Variants in KPNA4 observed in about 807,000 individuals in gnomAD.
KPNA4 encodes importin subunit alpha-3.
In KPNA4, 13 loss-of-function variants were observed where a neutral mutation model predicts 71.3. The ratio of observed to expected loss-of-function variants is 0.18; its 90% CI spans 0.12 to 0.29. The LOEUF is 0.29. Among genes scored for constraint, KPNA4 ranks in the 10% least tolerant of loss-of-function variants. The pLI is 1.00. For missense variants in KPNA4, 334 were observed against 603.2 expected, an observed-to-expected ratio of 0.55 and a Z score of 4.67; for synonymous variants, 189 against 195.2, an observed-to-expected ratio of 0.97 and a Z score of 0.26.
chr3:160,552,501 A>C (rs536022820), intron 1 of KPNA4, among the ~76,000 whole-genome samples: 9 of 152,362 alleles, frequency 5.9e-5, no homozygotes, highest in Admixed American at 3.9e-4. Context: ...AATGAGACTT[A>C]AGAATATAGT....
intron 13 of KPNA4, among the ~76,000 whole-genome samples, chr3:160,510,495 G>A (rs1429904289): frequency 1.3e-5 from 2 of 151,980 alleles, no homozygotes; most frequent in East Asian, 3.9e-4. Context: ...TCTAATTATG[G>A]TAAATCTACT....
chr3:160,534,869 G>A (rs1721654044), intron 5 of KPNA4, among the ~76,000 whole-genome samples: 1 of 151,306 alleles, frequency 6.6e-6, no homozygotes, highest in Admixed American at 6.6e-5. Flanking sequence ...AATTACAGGT[G>A]CCCACAACCA....
At chr3:160,529,790 C>T (rs1270141460) in intron 7 of KPNA4, among the ~76,000 whole-genome samples, 2 of 151,640 alleles carry the variant, frequency 1.3e-5, no homozygotes, top group East Asian at 1.9e-4. Flanking sequence ...AAAAAAAATT[C>T]GAGCCATTCT....
intron 1 of KPNA4, among the ~76,000 whole-genome samples, chr3:160,547,867 T>TC (rs1301234524): frequency 2.0e-5 from 3 of 152,226 alleles, no homozygotes; most frequent in African/African-American, 7.2e-5. Context: ...TTTAAGATTC[T>TC]CCATGTCTTT....
Position 160,499,927 on chromosome 3 carries a change from G to C in KPNA4, c.*2177C>G, listed in dbSNP as rs532795527. On this transcript the variant is annotated 3_prime_UTR_variant, in exon 17 of 17. Transcript: ENST00000334256. ...AGTTGTCTCGGTCTGTTTTACTGGA[G>C]AATGAAGGAAAGTTAAAACCTTGCT... The C allele has an allele frequency of 5.9e-5, 9 of 152,166 alleles. No homozygotes were observed. The highest frequency in any genetic ancestry group is 2.2e-4 in the African/African-American group (9 of 41,522). 9.4% of individuals were successfully genotyped at this position (152,166 alleles called of 1,614,324 possible). A position where few individuals can be genotyped will look rare whatever the true frequency, so the allele number is the denominator to read the frequency against.
chr3:160,531,891 C>T (rs1032784002), intron 5 of KPNA4, among the ~76,000 whole-genome samples: 6 of 152,002 alleles, frequency 3.9e-5, no homozygotes, highest in African/African-American at 1.4e-4. Flanking sequence ...CTTCTGGGTT[C>T]CAGTGATTCT....
At chr3:160,510,015 A>G in intron 13 of KPNA4, 144 bp from the exon 14 acceptor site, 1 of 626,036 alleles carries the variant, frequency 1.6e-6, no homozygotes, top group South Asian at 2.0e-5. Flanking sequence ...TTATTAAGAC[A>G]GGTCTTTGAA....
intron 12 of KPNA4, chr3:160,515,056 A>G (rs372915589): frequency 1.9e-5 from 10 of 519,204 alleles, no homozygotes; most frequent in African/African-American, 7.7e-5. Context: ...ATGCACTCCA[A>G]TATCAGCATC....
chr3:160,515,704 T>TGAGAGG, intron 11 of KPNA4, 124 bp from the exon 12 acceptor site: 1 of 1,069,574 alleles, frequency 9.3e-7, no homozygotes, highest in Non-Finnish European at 1.3e-6. Flanking sequence ...AACCTCTGCC[T>TGAGAGG]CTCAGGCTCA....
At chr3:160,541,930 A>C (rs916803058) in intron 1 of KPNA4, among the ~76,000 whole-genome samples, 2 of 152,202 alleles carry the variant, frequency 1.3e-5, no homozygotes, top group Admixed American at 6.5e-5. Context: ...ATGTTACTTG[A>C]CTGTACTTAT....
intron 8 of KPNA4, among the ~76,000 whole-genome samples, chr3:160,527,492 T>C (rs572347510): frequency 2.0e-5 from 3 of 152,228 alleles, no homozygotes; most frequent in Admixed American, 6.5e-5. Context: ...AATTCTAATG[T>C]ACTGAAGTCT....
At chr3:160,506,915 A>G (rs73023851) in intron 15 of KPNA4, among the ~76,000 whole-genome samples, 4,809 of 152,208 alleles carry the variant, frequency 0.032, 255 homozygotes, top group African/African-American at 0.11. Flanking sequence ...GAAGCCGCTC[A>G]CCATTCCCAT....
rs71628425 is a variant in KPNA4 at position 160,535,900 on chromosome 3, T to TAA, written c.115-5_115-4dup. On this transcript the variant is annotated splice_polypyrimidine_tract_variant and splice_region_variant and intron_variant, in intron 2 of 16. Transcript: ENST00000334256. Reference sequence around the variant, plus strand: ...AAGAGATGTTCATCTCTTTTATTCTTAAAAAAAAAAAAAAAAAAAAAAAAA... The same window carrying TAA: ...AAGAGATGTTCATCTCTTTTATTCTTAAAAAAAAAAAAAAAAAAAAAAAAAAA... 40,628 of 310,380 alleles carry TAA rather than the reference T, an allele frequency of 0.13. 117 individuals carry two copies. The highest frequency in any genetic ancestry group is 0.15 in the Middle Eastern group (116 of 770). The allele number at this position is 310,380 out of a possible 1,614,324, so 19.2% of individuals were successfully genotyped here. A position where few individuals can be genotyped will look rare whatever the true frequency, so the allele number is the denominator to read the frequency against.
chr3:160,537,542 A>T (rs184044325), intron 1 of KPNA4, among the ~76,000 whole-genome samples: 95 of 151,366 alleles, frequency 6.3e-4, no homozygotes, highest in African/African-American at 2.1e-3. Flanking sequence ...AAATGTTCAG[A>T]AACAATATAA....
chr3:160,540,039 G>A (rs1368672980), intron 1 of KPNA4, among the ~76,000 whole-genome samples: 4 of 130,360 alleles, frequency 3.1e-5, no homozygotes, highest in Non-Finnish European at 6.2e-5. Flanking sequence ...TCACTTTGTC[G>A]CCCAGGCTGG....
chr3:160,556,294 A>G (rs1208552709), intron 1 of KPNA4, among the ~76,000 whole-genome samples: 1 of 152,196 alleles, frequency 6.6e-6, no homozygotes, highest in Non-Finnish European at 1.5e-5. Context: ...GGAACTGCCA[A>G]ACTGCATTCC....
rs576103750 is a variant in KPNA4 at position 160,537,844 on chromosome 3, T to C, written c.70-1004A>G. Reference sequence around the variant, plus strand: ...TTGGTTCAACCTTCAAGACATACAATCCAAACACATATCACTGCCTCCTCT... The same window carrying C: ...TTGGTTCAACCTTCAAGACATACAACCCAAACACATATCACTGCCTCCTCT... On this transcript the variant is annotated intron_variant, in intron 1 of 16. Coordinates refer to ENST00000334256, the MANE Select transcript of KPNA4 (RefSeq NM_002268.5). Among the ~76,000 whole-genome samples the C allele has an allele frequency of 3.3e-5, 5 of 151,920 alleles. No individual in the cohort carries two copies. The East Asian group carries it at 9.7e-4, about 29-fold the overall frequency.
chr3:160,560,821 TCA>T (rs1228836408), intron 1 of KPNA4, among the ~76,000 whole-genome samples: 14 of 152,102 alleles, frequency 9.2e-5, no homozygotes, highest in African/African-American at 3.4e-4. Context: ...TATATTTCTA[TCA>T]GATATTTCAT....
chr3:160,562,515 T>C (rs1040645976), intron 1 of KPNA4, among the ~76,000 whole-genome samples: 3 of 152,182 alleles, frequency 2.0e-5, no homozygotes, highest in African/African-American at 7.2e-5. Flanking sequence ...TATATGTAAG[T>C]AGGCTGATAA....
Sources: gnomAD v4.1 joint callset for allele counts (sites outside exome capture counted in the v4.1 genomes callset) on GRCh38, gnomAD v4.1.1 for gene constraint, MANE v1.5 for transcripts, NCBI Gene and HGNC (gene_info 2026-07-23, HGNC 2026-07-21) for gene names.